The following NEURL1 variants were observed in gnomAD, a reference collection of about 807,000 sequenced individuals.
The protein encoded by NEURL1 is E3 ubiquitin-protein ligase NEURL1.
A neutral mutation model predicts 41.2 loss-of-function variants in NEURL1; 26 were observed. That is an observed-to-expected ratio of 0.63 (90% CI 0.46 to 0.87). The LOEUF is 0.87. Ranked by LOEUF, NEURL1 falls within the 40% of genes least tolerant of loss-of-function variation. The probability of loss-of-function intolerance (pLI) is 0.00; values close to 1 mark genes in which losing one functional copy is unlikely to be tolerated. For missense variants in NEURL1, 761 were observed against 871.1 expected (o/e 0.87, Z 1.59); for synonymous variants, 400 against 402.3 (o/e 0.99, Z 0.07).
chr10:103,552,455 C>A (rs1455848857), intron 1 of NEURL1, among the ~76,000 whole-genome samples: 1 of 152,184 alleles, frequency 6.6e-6, no homozygotes, highest in African/African-American at 2.4e-5. Context: ...ATGTTGTACT[C>A]ACTCTCTCCC....
At chr10:103,575,905 G>A (rs2035652538) in intron 3 of NEURL1, among the ~76,000 whole-genome samples, 1 of 152,236 alleles carries the variant, frequency 6.6e-6, no homozygotes, top group African/African-American at 2.4e-5. Context: ...GTATCTCAAG[G>A]TCTCCTTGCT....
chr10:103,548,519 C>T (rs1399698706), intron 1 of NEURL1, among the ~76,000 whole-genome samples: 2 of 151,980 alleles, frequency 1.3e-5, no homozygotes, highest in South Asian at 2.1e-4. Flanking sequence ...GACAGGGTTT[C>T]ATCATGTTGG....
chr10:103,524,927 G>A (rs1262273247), intron 1 of NEURL1, among the ~76,000 whole-genome samples: 2 of 151,940 alleles, frequency 1.3e-5, no homozygotes, highest in Non-Finnish European at 2.9e-5. Flanking sequence ...ATGGGGGGTG[G>A]GGTCCATAGA....
rs897886338 is a variant in NEURL1 at position 103,545,636 on chromosome 10, T to C, written c.86-25236T>C. Among the ~76,000 whole-genome samples the C allele has an allele frequency of 6.6e-6, 1 of 152,216 alleles. No homozygotes were observed. The highest frequency in any genetic ancestry group is 1.9e-4 in the East Asian group (1 of 5,196). On this transcript the variant is annotated intron_variant, in intron 1 of 5. Transcript: ENST00000369780. This position sits in a 1 kb window ranked among gnomAD's most constrained non-coding sequence, Gnocchi z 4.5. ...AGTGGTAGGCACAGAGCTGGCATAG[T>C]GCAGTGGCTGGACTCAAGTCATCTC... is the stretch of plus-strand genomic sequence containing the variant.
Position 103,494,463 on chromosome 10 carries a change from A to G in NEURL1, c.76A>G (p.Asn26Asp), listed in dbSNP as rs1243614842. 2 of 1,584,662 alleles carry G rather than the reference A, an allele frequency of 1.3e-6. No homozygotes were observed. Among genetic ancestry groups the G allele is most frequent in the South Asian group, 2.3e-5 (2 of 87,204 alleles). ...PSRAPRGHPQ[N>D]LKDSIGGPFP... Reference sequence around the variant, plus strand: ...CCGCGCGCCGCGGGGCCACCCCCAGAACCTCAAAGGTAGGCTCCCCGGCCG... The same window carrying G: ...CCGCGCGCCGCGGGGCCACCCCCAGGACCTCAAAGGTAGGCTCCCCGGCCG... The change falls in exon 1 of 6, where the codon AAC becomes GAC. Residue 26 changes from asparagine to aspartate, a missense_variant. Transcript: ENST00000369780.
At chr10:103,583,329 G>A (rs957586056) in intron 3 of NEURL1, among the ~76,000 whole-genome samples, 5 of 152,080 alleles carry the variant, frequency 3.3e-5, no homozygotes, top group Non-Finnish European at 7.4e-5. Context: ...CTGGGGAAAA[G>A]GGTCAATGTC....
In NEURL1 at chr10:103,571,130, C is replaced by T; in HGVS notation, c.327+17C>T. 1.2e-6 allele frequency: 2 copies of T among 1,604,956 alleles called. No individual in the cohort carries two copies. Among genetic ancestry groups the T allele is most frequent in the Non-Finnish European group, 8.5e-7 (1 of 1,175,072 alleles). ...AGGCTGAAGGTGGGCCTGCCCCCTG[C>T]CCCCGCCCCCGCCTCCTGCTTCCTG... On this transcript the variant is annotated intron_variant, in intron 2 of 5. Transcript: ENST00000369780.
At position 103,584,975 on chromosome 10, in the gene NEURL1, C is replaced by A; in HGVS notation, c.1089C>A (p.Gly363=). The A allele has an allele frequency of 6.5e-7, 1 of 1,529,826 alleles. No individual in the cohort carries two copies. Among genetic ancestry groups the A allele is most frequent in the Admixed American group, 2.0e-5 (1 of 50,606 alleles). 94.8% of individuals were successfully genotyped at this position (1,529,826 alleles called of 1,614,324 possible). A position where few individuals can be genotyped will look rare whatever the true frequency, so the allele number is the denominator to read the frequency against. ...TCGGCGTCACCACGTGCGACCCCGG[C>A]ACGCTGCGGCCGGCCGACCTGCCTT... ...LSFGVTTCDP[G]TLRPADLPFS... The change falls in exon 4 of 6, where the codon GGC becomes GGA. Residue 363 remains glycine, a synonymous_variant. Coordinates refer to ENST00000369780, the MANE Select transcript of NEURL1 (RefSeq NM_004210.5).
intron 1 of NEURL1, among the ~76,000 whole-genome samples, chr10:103,497,435 C>T (rs1354434639): frequency 1.3e-5 from 2 of 152,102 alleles, no homozygotes; most frequent in Admixed American, 6.6e-5. Context: ...ATTTTTTTCT[C>T]TCCTTACATA....
chr10:103,582,926 C>T (rs1193189659), intron 3 of NEURL1, among the ~76,000 whole-genome samples: 1 of 152,228 alleles, frequency 6.6e-6, no homozygotes, highest in Admixed American at 6.5e-5. Flanking sequence ...GTTGGACAGA[C>T]CTTTTTTTCA....
At chr10:103,565,434 CT>C (rs1260808335) in intron 1 of NEURL1, among the ~76,000 whole-genome samples, 61 of 152,258 alleles carry the variant, frequency 4.0e-4, no homozygotes, top group Middle Eastern at 3.4e-3. Context: ...CTCTCCATAC[CT>C]GGGGCAGGGA....
At chr10:103,498,529 TG>T (rs773712234) in intron 1 of NEURL1, among the ~76,000 whole-genome samples, 19 of 151,978 alleles carry the variant, frequency 1.3e-4, no homozygotes, top group African/African-American at 3.6e-4. Flanking sequence ...CCAGGCCCAT[TG>T]TTTTTTATTG....
intron 1 of NEURL1, chr10:103,511,984 T>C (rs2034082712): frequency 6.6e-6 from 1 of 152,278 alleles, no homozygotes; most frequent in African/African-American, 2.4e-5. Context: ...TGACATTTTC[T>C]GAATACCAGG....
intron 1 of NEURL1, among the ~76,000 whole-genome samples, chr10:103,514,775 G>A (rs1033033731): frequency 3.3e-5 from 5 of 152,172 alleles, no homozygotes; most frequent in South Asian, 4.1e-4. Context: ...GGCCCCATAC[G>A]TAGGATAGGG....
Position 103,494,435 on chromosome 10 carries a change from G to GAGC in NEURL1, c.49_51dup (p.Ser17dup). The GAGC allele has an allele frequency of 6.3e-7, 1 of 1,598,246 alleles. No homozygotes were observed. The highest frequency in any genetic ancestry group is 1.1e-5 in the South Asian group (1 of 88,774). On this transcript the variant is annotated inframe_insertion, in exon 1 of 6. Transcript: ENST00000369780. ...TCCCCTCGCTGCCCCGAGGAAACCC[G>GAGC]AGCCGCGCGCCGCGGGGCCACCCCC...
chr10:103,503,420 G>A (rs564326644), intron 1 of NEURL1, among the ~76,000 whole-genome samples: 1 of 152,194 alleles, frequency 6.6e-6, no homozygotes, highest in Non-Finnish European at 1.5e-5. Context: ...GGGAGGCCTT[G>A]GCTTTTTCTC....
At chr10:103,580,517 C>T (rs1244105119) in intron 3 of NEURL1, among the ~76,000 whole-genome samples, 1 of 152,180 alleles carries the variant, frequency 6.6e-6, no homozygotes, top group Non-Finnish European at 1.5e-5. Flanking sequence ...AAACACTGCC[C>T]TGACCTCTAA....
intron 1 of NEURL1, among the ~76,000 whole-genome samples, chr10:103,516,811 T>G (rs373310434): frequency 1.1e-4 from 17 of 152,324 alleles, no homozygotes; most frequent in African/African-American, 4.1e-4. Context: ...AAGAAAAACC[T>G]GGAGGACTTA....
At chr10:103,581,788 G>A (rs1038878649) in intron 3 of NEURL1, among the ~76,000 whole-genome samples, 3 of 152,236 alleles carry the variant, frequency 2.0e-5, no homozygotes, top group African/African-American at 7.2e-5. Flanking sequence ...GTGGGAAGGT[G>A]TGTGGGGACT....
Sources: gnomAD v4.1 joint callset for allele counts (sites outside exome capture counted in the v4.1 genomes callset) on GRCh38, gnomAD v4.1.1 for gene constraint, Gnocchi (gnomAD v3.1) non-coding constraint, MANE v1.5 for transcripts, NCBI Gene and HGNC (gene_info 2026-07-23, HGNC 2026-07-21) for gene names.